The following LIMCH1 variants were observed in gnomAD, a reference collection of about 807,000 sequenced individuals.
LIMCH1 encodes the protein LIM and calponin homology domains-containing protein 1.
LIMCH1 carries 113 observed loss-of-function variants against 176.5 expected under a neutral mutation model. The ratio of observed to expected loss-of-function variants is 0.64; its 90% confidence interval spans 0.55 to 0.75. The LOEUF is 0.75. Ranked by LOEUF, LIMCH1 falls within the 30% of genes least tolerant of loss-of-function variation. The pLI is 0.00. For missense variants in LIMCH1, 1,674 were observed against 1,814.9 expected (o/e 0.92, Z 1.41); for synonymous variants, 619 against 645.9 (o/e 0.96, Z 0.63).
chr4:41,548,289 G>T (rs1437601138), intron 1 of LIMCH1, among the ~76,000 whole-genome samples: 1 of 152,022 alleles, frequency 6.6e-6, no homozygotes, highest in African/African-American at 2.4e-5. Flanking sequence ...TTTCTCATTT[G>T]TAAAATGCGA....
intron 3 of LIMCH1, among the ~76,000 whole-genome samples, chr4:41,527,820 C>A (rs2076828654): frequency 1.2e-5 from 1 of 80,072 alleles, no homozygotes; most frequent in Admixed American, 1.7e-4. Context: ...GAGACTCCGT[C>A]TCAAAAAAAA....
At chr4:41,635,000 A>C (rs958566315) in intron 13 of LIMCH1, among the ~76,000 whole-genome samples, 1 of 152,188 alleles carries the variant, frequency 6.6e-6, no homozygotes, top group Non-Finnish European at 1.5e-5. Context: ...GAGACTGCCT[A>C]CTGGATACAT....
intron 1 of LIMCH1, among the ~76,000 whole-genome samples, chr4:41,461,860 C>G (rs137922414): frequency 1.5e-4 from 23 of 152,296 alleles, no homozygotes; most frequent in African/African-American, 5.3e-4. Context: ...GAAAAATGCT[C>G]AGACCTAAGT....
chr4:41,502,650 A>G (rs146275101), intron 2 of LIMCH1, among the ~76,000 whole-genome samples: 1 of 152,160 alleles, frequency 6.6e-6, no homozygotes, highest in East Asian at 1.9e-4. Flanking sequence ...CATTTCTCTA[A>G]TCATCCGTGA....
chr4:41,486,343 G>A (rs531876614), intron 1 of LIMCH1, among the ~76,000 whole-genome samples: 19 of 152,236 alleles, frequency 1.2e-4, no homozygotes, highest in South Asian at 1.2e-3. Flanking sequence ...AGAGTCCTTC[G>A]TCAGTCAGGA....
At chr4:41,389,591 T>C (rs1355971117) in intron 1 of LIMCH1, 1 of 152,850 alleles carries the variant, frequency 6.5e-6, no homozygotes, top group Non-Finnish European at 1.5e-5. Flanking sequence ...CACAGCTCGT[T>C]AAGTACAGAG....
At position 41,648,821 on chromosome 4, in the gene LIMCH1, A is replaced by G. The variant is rs192840871; in HGVS notation, c.2821-1572A>G. 4.4e-3 allele frequency among the ~76,000 whole-genome samples: 676 copies of G among 151,950 alleles called. 7 individuals carry two copies. The highest frequency in any genetic ancestry group is 0.015 in the African/African-American group (638 of 41,440). On this transcript the variant is annotated intron_variant, in intron 17 of 31. Transcript: ENST00000503057. ...AGTGTTTTTCAAACTGAAAGTTACCACCCGTTGCTAGGTTATAAAATCAGT... is the reference window on the plus strand; with the variant it reads ...AGTGTTTTTCAAACTGAAAGTTACCGCCCGTTGCTAGGTTATAAAATCAGT...
intron 1 of LIMCH1, among the ~76,000 whole-genome samples, chr4:41,476,719 C>T (rs2067806131): frequency 6.6e-6 from 1 of 151,930 alleles, no homozygotes; most frequent in Non-Finnish European, 1.5e-5. Context: ...CTTCTGTTCC[C>T]CTCCACCCTC....
At chr4:41,377,727 T>A (rs1462205848) in intron 1 of LIMCH1, among the ~76,000 whole-genome samples, 3 of 152,194 alleles carry the variant, frequency 2.0e-5, no homozygotes, top group Non-Finnish European at 4.4e-5. Flanking sequence ...AGGGGCGTTC[T>A]TGCTAGTGGA....
chr4:41,457,190 T>C (rs912651592), intron 1 of LIMCH1, among the ~76,000 whole-genome samples: 1 of 152,224 alleles, frequency 6.6e-6, no homozygotes. Flanking sequence ...TTCTGAAATA[T>C]ATACCTTAAT....
At chr4:41,474,729 T>G (rs1432550525) in intron 1 of LIMCH1, among the ~76,000 whole-genome samples, 1 of 152,170 alleles carries the variant, frequency 6.6e-6, no homozygotes, top group Non-Finnish European at 1.5e-5. Flanking sequence ...TTGGTGGTAT[T>G]GTAAATTAGT....
intron 1 of LIMCH1, among the ~76,000 whole-genome samples, chr4:41,592,616 C>T (rs140688367): frequency 1.4e-3 from 215 of 152,224 alleles, no homozygotes; most frequent in African/African-American, 4.5e-3. Flanking sequence ...ATAATAACTC[C>T]CAGACAATGA....
chr4:41,561,898 T>G (rs113641457), intron 1 of LIMCH1, among the ~76,000 whole-genome samples: 2,813 of 152,298 alleles, frequency 0.018, 81 homozygotes, highest in African/African-American at 0.062. Flanking sequence ...AAATGGTATT[T>G]AAGAATCCTC....
intron 3 of LIMCH1, among the ~76,000 whole-genome samples, chr4:41,531,195 A>G (rs2077246016): frequency 2.0e-5 from 3 of 151,954 alleles, no homozygotes; most frequent in East Asian, 1.9e-4. Context: ...CTCTAAGGAG[A>G]CCTAAGTTGT....
At chr4:41,381,270 A>G (rs753682282) in intron 1 of LIMCH1, among the ~76,000 whole-genome samples, 1 of 152,232 alleles carries the variant, frequency 6.6e-6, no homozygotes, top group East Asian at 1.9e-4. Context: ...ACTGTACAGC[A>G]CAGCACCAAC....
At chr4:41,506,028 G>T (rs2074121155) in intron 2 of LIMCH1, among the ~76,000 whole-genome samples, 1 of 151,150 alleles carries the variant, frequency 6.6e-6, no homozygotes, top group South Asian at 2.1e-4. Context: ...GGATGTATTT[G>T]CTTTCTTCAA....
intron 1 of LIMCH1, among the ~76,000 whole-genome samples, chr4:41,545,569 C>A (rs568113535): frequency 1.3e-5 from 2 of 152,166 alleles, no homozygotes; most frequent in Admixed American, 6.5e-5. Context: ...ACCTCGACAA[C>A]GACTTTTACA....
At chr4:41,692,210 A>G (rs1726585776) in intron 30 of LIMCH1, 72 bp from the exon 31 acceptor site, 2 of 888,292 alleles carry the variant, frequency 2.3e-6, no homozygotes, top group Admixed American at 3.4e-5. Context: ...CTATTCACAT[A>G]AACAGTAACT....
At chr4:41,538,016 C>G (rs547865998), upstream of LIMCH1, 80 of 271,764 alleles carry the variant, frequency 2.9e-4, no homozygotes, top group Non-Finnish European at 8.4e-5. Flanking sequence ...GTGGCTGACA[C>G]AAAGCTCTCT....
Sources: gnomAD v4.1 joint callset for allele counts (sites outside exome capture counted in the v4.1 genomes callset) on GRCh38, gnomAD v4.1.1 for gene constraint, MANE v1.5 for transcripts, NCBI Gene and HGNC (gene_info 2026-07-23, HGNC 2026-07-21) for gene names.